RC3H2: variants seen among roughly 807,000 people sequenced by gnomAD.
The protein encoded by RC3H2 is ring finger and CCCH-type domains 2, also known as roquin-2.
RC3H2 carries 31 observed loss-of-function variants against 133.3 expected under a neutral mutation model. The observed-to-expected ratio is 0.23, with a 90% CI of 0.17 to 0.31. The LOEUF is 0.31. Ranked by LOEUF, RC3H2 falls within the 10% of genes least tolerant of loss-of-function variation. RC3H2 has a pLI of 1.00. For missense variants in RC3H2, 1,175 were observed against 1,437.2 expected, an observed-to-expected ratio of 0.82 and a Z score of 2.95; for synonymous variants, 517 against 502.2, an observed-to-expected ratio of 1.03 and a Z score of -0.40.
chr9:122,849,950 T>C (rs1287479684), intron 20 of RC3H2, 128 bp from the exon 21 acceptor site: 6 of 519,188 alleles, frequency 1.2e-5, no homozygotes, highest in African/African-American at 2.0e-5. Flanking sequence ...TCTTTATCAC[T>C]AGAAGTATCA....
chr9:122,897,142 G>T, intron 2 of RC3H2, 137 bp downstream of exon 2: 1 of 697,162 alleles, frequency 1.4e-6, no homozygotes, highest in Non-Finnish European at 2.4e-6. Flanking sequence ...TTTTAAGGAA[G>T]TTTATGAATT....
intron 1 of RC3H2, among the ~76,000 whole-genome samples, chr9:122,902,642 A>C (rs1174569166): frequency 6.6e-6 from 1 of 152,140 alleles, no homozygotes; most frequent in Non-Finnish European, 1.5e-5. Flanking sequence ...ACTTGAGGTC[A>C]TGAGTTCCAG....
Position 122,865,529 on chromosome 9 carries a change from G to A in RC3H2, c.1454C>T (p.Thr485Ile). 6.2e-7 allele frequency: 1 copy of A among 1,614,166 alleles called. No homozygotes were observed. Residue 485 changes from threonine to isoleucine, a missense_variant, in exon 10 of 21, where the codon ACA becomes ATA. Physicochemically the swap from Thr to Ile is moderately conservative, Grantham distance 89. Transcript: ENST00000357244. The stretch of plus-strand genomic sequence containing the variant: ...TGTACTTGGAACAATTTTCCCTGTT[G>A]TTTCAGTACTTCCTATGACAGAAAT... ...NVISVIGSTE[T>I]TGKIVPSTNG... is the part of the protein sequence containing the mutation.
At chr9:122,862,666 G>A (rs936740229) in intron 10 of RC3H2, among the ~76,000 whole-genome samples, 3 of 152,064 alleles carry the variant, frequency 2.0e-5, no homozygotes, top group African/African-American at 7.2e-5. Flanking sequence ...AGGCCAAGGC[G>A]GGCAGATCAC....
rs75352167 is a variant in RC3H2 at position 122,903,980 on chromosome 9, C to T, written c.-68+1130G>A. On this transcript the variant is annotated intron_variant, in intron 1 of 20. Coordinates refer to ENST00000357244, the MANE Select transcript of RC3H2 (RefSeq NM_001100588.3). ...GTTTGTATGTTTAACCATTAAAAGGCTGCACTGGCTAACATTTGTTTCTTT... is the reference window on the plus strand; with the variant it reads ...GTTTGTATGTTTAACCATTAAAAGGTTGCACTGGCTAACATTTGTTTCTTT... Among the ~76,000 whole-genome samples the T allele has an allele frequency of 5.5e-3, 836 of 152,246 alleles. 5 individuals are homozygous for T. Among genetic ancestry groups the T allele is most frequent in the East Asian group, 0.044 (229 of 5,186 alleles).
intron 3 of RC3H2, among the ~76,000 whole-genome samples, chr9:122,890,847 G>GT (rs1832134410): frequency 6.6e-6 from 1 of 151,956 alleles, no homozygotes; most frequent in Non-Finnish European, 1.5e-5. Flanking sequence ...ATGTACCTAT[G>GT]TAAGAATATT....
At chr9:122,857,320 C>T (rs1830285307) in intron 13 of RC3H2, among the ~76,000 whole-genome samples, 1 of 151,966 alleles carries the variant, frequency 6.6e-6, no homozygotes, top group South Asian at 2.1e-4. Context: ...ACTGAAAACA[C>T]CAGATTAAAT....
chr9:122,855,082 C>T (rs905064612), intron 15 of RC3H2, 102 bp downstream of exon 15: 12 of 914,388 alleles, frequency 1.3e-5, no homozygotes, highest in Non-Finnish European at 1.6e-5. Flanking sequence ...CACTGCATTC[C>T]AGTCTGGGCA....
At position 122,854,565 on chromosome 9, in the gene RC3H2, T is replaced by C; in HGVS notation, c.2866A>G (p.Asn956Asp). 1 of 1,613,666 alleles carries C rather than the reference T, an allele frequency of 6.2e-7. No individual in the cohort carries two copies. The highest frequency in any genetic ancestry group is 8.5e-7 in the Non-Finnish European group (1 of 1,179,568). The change falls in exon 16 of 21, where the codon AAC becomes GAC. Residue 956 changes from asparagine to aspartate, a missense_variant. Asn to Asp is a conservative substitution (Grantham distance 23). Transcript: ENST00000357244. ...TAGTGTGCTGATGATGTGGCCTCGT[T>C]GCCATATGAACTCCACCTTGAATCA... Reference protein sequence around the residue: ...AVDSRWSSYGNEATSSAHYVE... With the variant: ...AVDSRWSSYGDEATSSAHYVE...
At chr9:122,876,006 G>C (rs1247079271) in intron 9 of RC3H2, among the ~76,000 whole-genome samples, 2 of 152,144 alleles carry the variant, frequency 1.3e-5, no homozygotes, top group Non-Finnish European at 2.9e-5. Context: ...AGAAGGGGTG[G>C]ACAGCGAGAG....
At chr9:122,882,078 A>C (rs1362508427) in intron 5 of RC3H2, among the ~76,000 whole-genome samples, 1 of 152,190 alleles carries the variant, frequency 6.6e-6, no homozygotes, top group African/African-American at 2.4e-5. Flanking sequence ...AACAGAGCAA[A>C]AGTCTGTTGC....
At chr9:122,862,800 CAGG>C (rs1830507549) in intron 10 of RC3H2, among the ~76,000 whole-genome samples, 1 of 147,898 alleles carries the variant, frequency 6.8e-6, no homozygotes, top group African/African-American at 2.5e-5. Context: ...GAGGCTGAGG[CAGG>C]AGAATTGCTT....
At chr9:122,890,571 G>T in intron 3 of RC3H2, 26 bp from the exon 4 acceptor site, 1 of 1,542,914 alleles carries the variant, frequency 6.5e-7, no homozygotes, top group South Asian at 1.2e-5. Context: ...AACAAAGGGA[G>T]CTAAAGTTTT....
At chr9:122,870,531 G>A (rs1010861892) in intron 9 of RC3H2, among the ~76,000 whole-genome samples, 2 of 152,184 alleles carry the variant, frequency 1.3e-5, no homozygotes, top group African/African-American at 4.8e-5. Context: ...AACCAAGTGA[G>A]GTAAAGCAAG....
chr9:122,855,054 A>G, intron 15 of RC3H2, 130 bp downstream of exon 15: 1 of 704,088 alleles, frequency 1.4e-6, no homozygotes, highest in Non-Finnish European at 2.3e-6. Flanking sequence ...TGGAGGTTGC[A>G]GTGAGCCAAG....
At chr9:122,863,423 A>T (rs1830529987) in intron 10 of RC3H2, among the ~76,000 whole-genome samples, 1 of 152,322 alleles carries the variant, frequency 6.6e-6, no homozygotes, top group South Asian at 2.1e-4. Flanking sequence ...AAGCCTTCAG[A>T]TCTAAAAGAC....
chr9:122,887,479 C>A (rs1456578228), intron 4 of RC3H2, among the ~76,000 whole-genome samples: 6 of 151,984 alleles, frequency 3.9e-5, no homozygotes, highest in Admixed American at 2.0e-4. Flanking sequence ...TGCTTCCCTG[C>A]TCCCCGCCCA....
At chr9:122,869,016 C>T (rs1046991291) in intron 9 of RC3H2, among the ~76,000 whole-genome samples, 3 of 151,358 alleles carry the variant, frequency 2.0e-5, no homozygotes, top group South Asian at 2.1e-4. Context: ...ATTCTTCTGC[C>T]TCAGCCTCCC....
chr9:122,853,815 C>A, intron 18 of RC3H2, 137 bp downstream of exon 18: 2 of 1,518,676 alleles, frequency 1.3e-6, no homozygotes, highest in Non-Finnish European at 1.8e-6. Context: ...AATTTTATTT[C>A]TGTTATAAGT....
Sources: allele counts gnomAD v4.1 joint callset (sites outside exome capture counted in the v4.1 genomes callset), GRCh38; gene constraint gnomAD v4.1.1; transcripts MANE v1.5; gene names NCBI Gene and HGNC (gene_info 2026-07-23, HGNC 2026-07-21).